Variants in FAM227B observed in about 807,000 individuals in gnomAD.
FAM227B encodes family with sequence similarity 227 member B.
FAM227B carries 88 observed loss-of-function variants against 73.8 expected under a neutral mutation model. The ratio of observed to expected loss-of-function variants is 1.19; its 90% CI spans 1.00 to 1.42. The LOEUF (loss-of-function observed/expected upper bound fraction) is 1.42. FAM227B is among the 40% of genes most tolerant of loss of function. The probability of loss-of-function intolerance (pLI) is 0.00; values close to 1 mark genes in which losing one functional copy is unlikely to be tolerated. For missense variants in FAM227B, 632 were observed against 590.9 expected, an observed-to-expected ratio of 1.07 and a Z score of -0.72; for synonymous variants, 210 against 190.5, an observed-to-expected ratio of 1.10 and a Z score of -0.84.
At chr15:49,397,802 C>CCG (rs2047803985) in intron 11 of FAM227B, among the ~76,000 whole-genome samples, 1 of 152,094 alleles carries the variant, frequency 6.6e-6, no homozygotes, top group Non-Finnish European at 1.5e-5. Context: ...AATGCTGAGA[C>CCG]ATTTTGTCAC....
chr15:49,552,850 G>A (rs1375606189), intron 9 of FAM227B, among the ~76,000 whole-genome samples: 2 of 152,028 alleles, frequency 1.3e-5, no homozygotes, highest in Non-Finnish European at 2.9e-5. Flanking sequence ...AAGTTTATCT[G>A]ATATAATTCA....
intron 10 of FAM227B, among the ~76,000 whole-genome samples, chr15:49,521,552 T>C (rs2059786515): frequency 7.4e-6 from 1 of 134,314 alleles, no homozygotes; most frequent in Admixed American, 7.8e-5. Flanking sequence ...GCTATTTGTG[T>C]TCAGTTACAC....
At chr15:49,389,412 T>A (rs1220999908) in intron 11 of FAM227B, among the ~76,000 whole-genome samples, 2 of 152,002 alleles carry the variant, frequency 1.3e-5, no homozygotes, top group Non-Finnish European at 2.9e-5. Context: ...ATGTTCTCAC[T>A]TTTAAGTGGG....
At position 49,589,950 on chromosome 15, in the gene FAM227B, T is replaced by G; in HGVS notation, c.163A>C (p.Lys55Gln). ...AATGAACTATCTTCTTTTATTTTTTTCAGAGTGCATGACCATTTATCATCA... is the reference window on the plus strand; with the variant it reads ...AATGAACTATCTTCTTTTATTTTTTGCAGAGTGCATGACCATTTATCATCA... ...RDDDKWSCTL[K>Q]KIKEDSSFVS... The change falls in exon 4 of 16, where the codon AAA becomes CAA. Residue 55 changes from lysine to glutamine, a missense_variant. By Grantham distance (53) the Lys-to-Gln change is moderately conservative. Transcript: ENST00000299338. 1 of 1,609,674 alleles carries G rather than the reference T, an allele frequency of 6.2e-7. No homozygotes were observed. The highest frequency in any genetic ancestry group is 1.7e-4 in the Middle Eastern group (1 of 6,056).
intron 9 of FAM227B, among the ~76,000 whole-genome samples, chr15:49,549,435 A>C (rs1361853518): frequency 1.3e-5 from 2 of 152,002 alleles, no homozygotes; most frequent in African/African-American, 4.8e-5. Flanking sequence ...ACAAGTGAAC[A>C]AAGGTCTCTG....
At chr15:49,481,366 C>T (rs1315319516) in intron 11 of FAM227B, among the ~76,000 whole-genome samples, 1 of 152,154 alleles carries the variant, frequency 6.6e-6, no homozygotes, top group Non-Finnish European at 1.5e-5. Context: ...ACAAATTTAA[C>T]CTAATAGTAT....
chr15:49,597,710 T>C (rs2153294538), intron 3 of FAM227B, among the ~76,000 whole-genome samples: 1 of 152,104 alleles, frequency 6.6e-6, no homozygotes, highest in Middle Eastern at 3.4e-3. Flanking sequence ...ATTAACAAAA[T>C]TGACAGACCA....
chr15:49,558,245 C>G (rs1472674075), intron 9 of FAM227B, among the ~76,000 whole-genome samples: 1 of 152,186 alleles, frequency 6.6e-6, no homozygotes, highest in Non-Finnish European at 1.5e-5. Context: ...GGCTTGCCAA[C>G]CTGGGCTCCT....
intron 11 of FAM227B, among the ~76,000 whole-genome samples, chr15:49,413,541 T>C (rs1006548834): frequency 2.0e-5 from 3 of 152,080 alleles, no homozygotes; most frequent in Non-Finnish European, 4.4e-5. Context: ...TTACCATAAT[T>C]AGTCTAAGAT....
At chr15:49,440,924 G>A (rs1226569662) in intron 11 of FAM227B, among the ~76,000 whole-genome samples, 1 of 151,728 alleles carries the variant, frequency 6.6e-6, no homozygotes, top group Non-Finnish European at 1.5e-5. Flanking sequence ...CTGGTTATAA[G>A]TTGGTTTAGA....
intron 4 of FAM227B, among the ~76,000 whole-genome samples, chr15:49,589,551 AC>A (rs1490582900): frequency 1.8e-5 from 2 of 113,366 alleles, no homozygotes; most frequent in Non-Finnish European, 4.0e-5. Flanking sequence ...TTACACACAC[AC>A]ACACACACAC....
Position 49,577,688 on chromosome 15 carries a change from C to G in FAM227B, c.406-24G>C, listed in dbSNP as rs747394393. 3.5e-6 allele frequency: 5 copies of G among 1,431,340 alleles called. No individual in the cohort carries two copies. In the South Asian group the frequency reaches 6.2e-5, roughly 18 times the overall value. 88.7% of individuals were successfully genotyped at this position (1,431,340 alleles called of 1,614,324 possible). On this transcript the variant is annotated intron_variant, in intron 5 of 15. Coordinates refer to ENST00000299338, the MANE Select transcript of FAM227B (RefSeq NM_152647.3). ...AGCTGGAAAACATTTTAAATAAACT[C>G]TTTAAAACTCTAAATTAAAGAAATT... is the stretch of plus-strand genomic sequence containing the variant.
intron 11 of FAM227B, among the ~76,000 whole-genome samples, chr15:49,477,028 C>T (rs1462844191): frequency 6.6e-6 from 1 of 150,996 alleles, no homozygotes; most frequent in Non-Finnish European, 1.5e-5. Flanking sequence ...CCACTGCACT[C>T]CAGCCTGGGC....
intron 11 of FAM227B, among the ~76,000 whole-genome samples, chr15:49,433,450 T>C (rs1053331289): frequency 4.0e-5 from 6 of 151,730 alleles, no homozygotes; most frequent in African/African-American, 1.5e-4. Flanking sequence ...ATCCTTTAAT[T>C]TATTACACAT....
At chr15:49,367,249 T>C (rs1480919191) in intron 13 of FAM227B, among the ~76,000 whole-genome samples, 199 bp downstream of exon 13, 1 of 152,190 alleles carries the variant, frequency 6.6e-6, no homozygotes, top group Non-Finnish European at 1.5e-5. Flanking sequence ...TTTTCTTACA[T>C]GCAAAATCAT....
chr15:49,478,655 C>T (rs1882392584), intron 11 of FAM227B, among the ~76,000 whole-genome samples: 1 of 152,034 alleles, frequency 6.6e-6, no homozygotes, highest in African/African-American at 2.4e-5. Context: ...CAAACCACTG[C>T]CTCCACTTTT....
At chr15:49,517,165 C>A (rs954178310) in intron 10 of FAM227B, among the ~76,000 whole-genome samples, 1 of 152,102 alleles carries the variant, frequency 6.6e-6, no homozygotes, top group Non-Finnish European at 1.5e-5. Flanking sequence ...ACTAATACAG[C>A]CTCTTGTGAT....
At chr15:49,404,900 C>T (rs1349470313) in intron 11 of FAM227B, among the ~76,000 whole-genome samples, 4 of 151,980 alleles carry the variant, frequency 2.6e-5, no homozygotes, top group East Asian at 3.9e-4. Flanking sequence ...TGGTTTTTCC[C>T]GTCCATATTT....
chr15:49,507,479 A>G (rs1326727763), intron 11 of FAM227B, among the ~76,000 whole-genome samples: 1 of 152,104 alleles, frequency 6.6e-6, no homozygotes, highest in African/African-American at 2.4e-5. Flanking sequence ...TACTAAGCCT[A>G]GATTCTGATT....
Sources: allele counts gnomAD v4.1 joint callset (sites outside exome capture counted in the v4.1 genomes callset), GRCh38; gene constraint gnomAD v4.1.1; transcripts MANE v1.5; gene names NCBI Gene and HGNC (gene_info 2026-07-23, HGNC 2026-07-21).